Variants in IFIT2 observed in about 807,000 individuals in gnomAD.
IFIT2 encodes the protein interferon-induced protein with tetratricopeptide repeats 2.
In IFIT2, 3 loss-of-function variants were observed where a neutral mutation model predicts 2.5. The observed-to-expected ratio is 1.21, with a 90% confidence interval of 0.55 to 3.14. IFIT2 has a LOEUF of 3.14. Among genes scored for constraint, IFIT2 ranks in the 30% most tolerant of loss-of-function variants. The pLI is 0.03. For synonymous variants in IFIT2, 212 were observed against 200.7 expected (o/e 1.06, Z -0.48); for missense variants, 493 against 558.9 (o/e 0.88, Z 1.19).
intron 1 of IFIT2, among the ~76,000 whole-genome samples, 163 bp downstream of exon 1, chr10:89,302,291 T>G (rs1564780298): frequency 6.6e-6 from 1 of 152,144 alleles, no homozygotes; most frequent in Non-Finnish European, 1.5e-5. Flanking sequence ...TTACCAATGG[T>G]GGTTTGTTCC....
chr10:89,305,827 T>C (rs1310263657), intron 1 of IFIT2, 135 bp from the exon 2 acceptor site: 5 of 665,756 alleles, frequency 7.5e-6, no homozygotes, highest in Non-Finnish European at 1.3e-5. Context: ...AAACATATTA[T>C]AGAAAGAAAA....
chr10:89,307,185 AGAT>A lies in IFIT2; in HGVS notation c.1232_1234del (p.Met411del). 1 of 1,614,060 alleles carries A rather than the reference AGAT, an allele frequency of 6.2e-7. No homozygotes were observed. Among genetic ancestry groups the A allele is most frequent in the Non-Finnish European group, 8.5e-7 (1 of 1,179,942 alleles). On this transcript the variant is annotated inframe_deletion, in exon 2 of 2. Coordinates refer to ENST00000371826, the MANE Select transcript of IFIT2 (RefSeq NM_001547.5). ...AACCAGAAATCAAGGGAGAAAGAAA[AGAT>A]GAAAGACAAACTGCAAAAAATTGCC... is the stretch of plus-strand genomic sequence containing the variant.
intron 1 of IFIT2, among the ~76,000 whole-genome samples, chr10:89,304,840 T>A (rs1843468278): frequency 6.6e-6 from 1 of 152,076 alleles, no homozygotes; most frequent in Admixed American, 6.6e-5. Flanking sequence ...CTAAAGGGAA[T>A]GGAAAATCTT....
rs994367366 is a variant in IFIT2, at chr10:89,307,612, T to C, written c.*237T>C. 2.5e-6 allele frequency: 1 copy of C among 406,254 alleles called. No individual in the cohort carries two copies. The highest frequency in any genetic ancestry group is 2.0e-5 in the African/African-American group (1 of 51,038). 25.2% of individuals were successfully genotyped at this position (406,254 alleles called of 1,614,324 possible). A position where few individuals can be genotyped will look rare whatever the true frequency, so the allele number is the denominator to read the frequency against. ...GTCCACGGGCTTGGTGATAGAATTATTTCTCGATTGACTTCTTGAGTGCAA... is the reference window on the plus strand; with the variant it reads ...GTCCACGGGCTTGGTGATAGAATTACTTCTCGATTGACTTCTTGAGTGCAA... On this transcript the variant is annotated 3_prime_UTR_variant, in exon 2 of 2. Transcript: ENST00000371826.
intron 1 of IFIT2, among the ~76,000 whole-genome samples, chr10:89,303,450 ATTG>A (rs1463025855): frequency 2.0e-5 from 3 of 152,204 alleles, no homozygotes; most frequent in South Asian, 4.1e-4. Flanking sequence ...AAAGGAAGAA[ATTG>A]TTGTTGTTGT....
chr10:89,302,103 G>A lies in IFIT2; in HGVS notation c.-21G>A. 6.2e-7 allele frequency: 1 copy of A among 1,613,942 alleles called. No individual in the cohort carries two copies. On this transcript the variant is annotated 5_prime_UTR_variant, in exon 1 of 2. Coordinates refer to ENST00000371826, the MANE Select transcript of IFIT2 (RefSeq NM_001547.5). ...TGCCTGAACCGAGCCCTGCCGAACA[G>A]CTGAGAATTGCACTGCAACCATGAG...
At position 89,306,849 on chromosome 10, in the gene IFIT2, T is replaced by C. The variant is rs61729485; in HGVS notation, c.893T>C (p.Val298Ala). The C allele has an allele frequency of 1.7e-3, 2,705 of 1,614,058 alleles. 47 individuals are homozygous for C. The African/African-American group carries it at 0.032, about 19-fold the overall frequency. Reference protein sequence around the residue: ...GCCYRAKVFQVMNLRENGMYG... With the variant: ...GCCYRAKVFQAMNLRENGMYG... ...TGCTATAGGGCAAAAGTCTTCCAAG[T>C]AATGAATCTAAGAGAGAATGGAATG... is the stretch of plus-strand genomic sequence containing the variant. Residue 298 changes from valine (V) to alanine (A), a missense_variant, in exon 2 of 2, where the codon GTA becomes GCA. By Grantham distance (64) the Val-to-Ala change is moderately conservative. Transcript: ENST00000371826.
rs986795293 is a variant in IFIT2, at chr10:89,307,454, G to C, written c.*79G>C. 8.8e-7 allele frequency: 1 copy of C among 1,131,712 alleles called. No homozygotes were observed. The highest frequency in any genetic ancestry group is 2.2e-5 in the Admixed American group (1 of 44,476). The allele number at this position is 1,131,712 out of a possible 1,614,324, so 70.1% of individuals were successfully genotyped here. A position where few individuals can be genotyped will look rare whatever the true frequency, so the allele number is the denominator to read the frequency against. Reference sequence around the variant, plus strand: ...TCCACCAAGTTGGTATTCAAAATATGTAATGACTGGTATGGCAAAAGATTG... The same window carrying C: ...TCCACCAAGTTGGTATTCAAAATATCTAATGACTGGTATGGCAAAAGATTG... On this transcript the variant is annotated 3_prime_UTR_variant, in exon 2 of 2. Transcript: ENST00000371826.
At position 89,308,430 on chromosome 10, in the gene IFIT2, T is replaced by C. The variant is rs1843496988; in HGVS notation, c.*1055T>C. Reference sequence around the variant, plus strand: ...GGGAACCTGGTGACTAAGGGCCTGGTGCAAGGACTTGGGAAATGTCATTGA... The same window carrying C: ...GGGAACCTGGTGACTAAGGGCCTGGCGCAAGGACTTGGGAAATGTCATTGA... On this transcript the variant is annotated 3_prime_UTR_variant, in exon 2 of 2. Coordinates refer to ENST00000371826, the MANE Select transcript of IFIT2 (RefSeq NM_001547.5). The C allele has an allele frequency of 6.6e-6, 1 of 152,152 alleles. No individual in the cohort carries two copies. The highest frequency in any genetic ancestry group is 6.5e-5 in the Admixed American group (1 of 15,270). 9.4% of individuals were successfully genotyped at this position (152,152 alleles called of 1,614,324 possible). A position where few individuals can be genotyped will look rare whatever the true frequency, so the allele number is the denominator to read the frequency against.
chr10:89,305,198 C>T (rs888882258), intron 1 of IFIT2, among the ~76,000 whole-genome samples: 2 of 151,332 alleles, frequency 1.3e-5, no homozygotes, highest in African/African-American at 4.9e-5. Context: ...AATACAAAAG[C>T]AGATAAAATG....
In IFIT2 at chr10:89,305,820, C is replaced by A. The variant is rs532578301; in HGVS notation, c.6-142C>A. 31 of 649,730 alleles carry A rather than the reference C, an allele frequency of 4.8e-5. 1 individual carries two copies. In the African/African-American group the frequency reaches 5.6e-4, roughly 12 times the overall value. 40.2% of individuals were successfully genotyped at this position (649,730 alleles called of 1,614,324 possible). ...TGCAGGAATTAACAATAAGGAAAAA[C>A]ATATTATAGAAAGAAAAGAAGGGGA... On this transcript the variant is annotated intron_variant, in intron 1 of 1. Coordinates refer to ENST00000371826, the MANE Select transcript of IFIT2 (RefSeq NM_001547.5).
intron 1 of IFIT2, among the ~76,000 whole-genome samples, chr10:89,304,398 A>G (rs72814784): frequency 0.021 from 3,156 of 152,246 alleles, 62 homozygotes; most frequent in Admixed American, 0.055. Flanking sequence ...CCCAATCAAA[A>G]TGGGAGTGGG....
In IFIT2 at chr10:89,306,124, A is replaced by G. The variant is rs754416325; in HGVS notation, c.168A>G (p.Leu56=). 6.2e-7 allele frequency: 1 copy of G among 1,614,130 alleles called. No homozygotes were observed. Among genetic ancestry groups the G allele is most frequent in the South Asian group, 1.1e-5 (1 of 91,086 alleles). Reference sequence around the variant, plus strand: ...AATTCAAAGCCACAATGTGCAACCTACTGGCCTATCTAAAGCACCTCAAAG... The same window carrying G: ...AATTCAAAGCCACAATGTGCAACCTGCTGGCCTATCTAAAGCACCTCAAAG... ...NREFKATMCN[L]LAYLKHLKGQ... The change falls in exon 2 of 2, where the codon CTA becomes CTG. Residue 56 remains leucine (L), a synonymous_variant. Coordinates refer to ENST00000371826, the MANE Select transcript of IFIT2 (RefSeq NM_001547.5).
chr10:89,304,819 G>A (rs538090821), intron 1 of IFIT2, among the ~76,000 whole-genome samples: 1 of 150,846 alleles, frequency 6.6e-6, no homozygotes, highest in South Asian at 2.1e-4. Flanking sequence ...TATTTATTTT[G>A]AGGACCAACA....
rs947205529 is a variant in IFIT2, at chr10:89,309,248, G to C, written c.*1873G>C. ...TTTTCTCTATTCTGACCTCTGTTAT[G>C]AGAAATAAAAGTCACTGATTCCATT... On this transcript the variant is annotated 3_prime_UTR_variant, in exon 2 of 2. Coordinates refer to ENST00000371826, the MANE Select transcript of IFIT2 (RefSeq NM_001547.5). 1.2e-4 allele frequency: 19 copies of C among 152,102 alleles called. No individual in the cohort carries two copies. Among genetic ancestry groups the C allele is most frequent in the Middle Eastern group, 3.2e-3 (1 of 316 alleles). The allele number at this position is 152,102 out of a possible 1,614,324, so 9.4% of individuals were successfully genotyped here.
Position 89,306,692 on chromosome 10 carries a change from G to A in IFIT2, c.736G>A (p.Val246Ile), listed in dbSNP as rs377335206. 1 of 1,614,134 alleles carries A rather than the reference G, an allele frequency of 6.2e-7. No homozygotes were observed. The highest frequency in any genetic ancestry group is 1.6e-4 in the Middle Eastern group (1 of 6,062). ...VEEALEKAPG[V>I]TDVLRSAAKF... ...AGAAGCCTTGGAGAAAGCCCCAGGT[G>A]TAACAGATGTTCTTCGCAGTGCAGC... The change falls in exon 2 of 2, where the codon GTA (valine) becomes ATA (isoleucine). Residue 246 changes from valine (V) to isoleucine (I), a missense_variant. Coordinates refer to ENST00000371826, the MANE Select transcript of IFIT2 (RefSeq NM_001547.5).
rs1220438044 is a variant in IFIT2 at position 89,306,723 on chromosome 10, T to C, written c.767T>C (p.Phe256Ser). 11 of 1,614,068 alleles carry C rather than the reference T, an allele frequency of 6.8e-6. No individual in the cohort carries two copies. The highest frequency in any genetic ancestry group is 8.5e-6 in the Non-Finnish European group (10 of 1,179,970). Reference protein sequence around the residue: ...VTDVLRSAAKFYRRKDEPDKA... With the variant: ...VTDVLRSAAKSYRRKDEPDKA... ...GATGTTCTTCGCAGTGCAGCCAAGT[T>C]TTATCGAAGAAAAGATGAGCCAGAC... is the stretch of plus-strand genomic sequence containing the variant. Residue 256 changes from phenylalanine (F) to serine (S), a missense_variant, in exon 2 of 2, where the codon TTT becomes TCT. By Grantham distance (155) the Phe-to-Ser change is radical. Transcript: ENST00000371826.
intron 1 of IFIT2, 26 bp from the exon 2 acceptor site, chr10:89,305,936 G>A (rs760614873): frequency 6.8e-5 from 104 of 1,521,060 alleles, no homozygotes; most frequent in South Asian, 9.3e-5. Context: ...GTGTCTCAAA[G>A]TCCATCTTTG....
In IFIT2 at chr10:89,306,019, C is replaced by G; in HGVS notation, c.63C>G (p.Thr21=). The change falls in exon 2 of 2, where the codon ACC becomes ACG. Residue 21 remains threonine (T), a synonymous_variant. Coordinates refer to ENST00000371826, the MANE Select transcript of IFIT2 (RefSeq NM_001547.5). ...TACGGCAACTAAAATGCCATTTCAC[C>G]TGGAACTTGATGGAGGGAGAAAACT... The part of the protein sequence containing the change: ...SSLRQLKCHF[T]WNLMEGENSL... The G allele has an allele frequency of 6.2e-7, 1 of 1,614,002 alleles. No homozygotes were observed. Among genetic ancestry groups the G allele is most frequent in the Non-Finnish European group, 8.5e-7 (1 of 1,179,928 alleles).
Sources: allele counts gnomAD v4.1 joint callset (sites outside exome capture counted in the v4.1 genomes callset), GRCh38; gene constraint gnomAD v4.1.1; transcripts MANE v1.5; gene names NCBI Gene and HGNC (gene_info 2026-07-23, HGNC 2026-07-21).